ADCY5: variants seen among roughly 807,000 people sequenced by gnomAD.
ADCY5 encodes adenylate cyclase 5, also known as adenylate cyclase type 5.
Under a neutral mutation model 119.7 loss-of-function variants are expected in ADCY5, and 30 were observed. That is an observed-to-expected ratio of 0.25 (90% confidence interval 0.19 to 0.34). The LOEUF (loss-of-function observed/expected upper bound fraction) is 0.34. Among genes scored for constraint, ADCY5 ranks in the 10% least tolerant of loss-of-function variants. The pLI is 1.00. For synonymous variants in ADCY5, 753 were observed against 762.2 expected (o/e 0.99, Z 0.20); for missense variants, 1,324 against 1,775.2 (o/e 0.75, Z 4.57).
chr3:123,400,203 C>T (rs1189312767), intron 1 of ADCY5, among the ~76,000 whole-genome samples: 2 of 152,210 alleles, frequency 1.3e-5, no homozygotes, highest in Non-Finnish European at 2.9e-5. Flanking sequence ...ATCACCTCTG[C>T]TCCCAAGTAA....
At chr3:123,319,643 A>G in intron 10 of ADCY5, 31 bp downstream of exon 10, 1 of 1,610,158 alleles carries the variant, frequency 6.2e-7, no homozygotes, top group Non-Finnish European at 8.5e-7. Flanking sequence ...GGTTCAGCAC[A>G]GGGGCCTCCT....
chr3:123,396,348 A>C (rs1207229300), intron 1 of ADCY5, among the ~76,000 whole-genome samples: 1 of 140,488 alleles, frequency 7.1e-6, no homozygotes, highest in Admixed American at 7.1e-5. Flanking sequence ...GAGAAGAAAA[A>C]GAGAGAGAAG....
intron 14 of ADCY5, 40 bp from the exon 15 acceptor site, chr3:123,300,335 G>C: frequency 2.5e-6 from 4 of 1,599,928 alleles, no homozygotes; most frequent in Non-Finnish European, 3.4e-6. Flanking sequence ...CCCAGGCCCT[G>C]CCCGACCCCG....
chr3:123,446,222 G>GACACAGGA (rs2107657119), intron 1 of ADCY5, among the ~76,000 whole-genome samples: 2 of 152,286 alleles, frequency 1.3e-5, no homozygotes, highest in African/African-American at 4.8e-5. Flanking sequence ...GAAGCCAGGG[G>GACACAGGA]ACACAGGAGA....
At chr3:123,295,968 A>G in intron 17 of ADCY5, 116 bp downstream of exon 17, 1 of 1,453,848 alleles carries the variant, frequency 6.9e-7, no homozygotes, top group Non-Finnish European at 9.3e-7. Context: ...TGAGCAAGAC[A>G]GCTTGACAGT....
At chr3:123,338,767 G>GC (rs1203479957) in intron 3 of ADCY5, among the ~76,000 whole-genome samples, 2 of 152,222 alleles carry the variant, frequency 1.3e-5, no homozygotes, top group Non-Finnish European at 2.9e-5. Flanking sequence ...AGGCCCTTCA[G>GC]CCCTCCACAG....
chr3:123,341,377 A>C (rs1942271684), intron 3 of ADCY5, among the ~76,000 whole-genome samples: 2 of 152,202 alleles, frequency 1.3e-5, no homozygotes, highest in African/African-American at 4.8e-5. Context: ...AGCCAGTCAC[A>C]AAAAGCACAA....
intron 6 of ADCY5, 109 bp downstream of exon 6, chr3:123,328,535 T>A (rs1180598157): frequency 1.5e-6 from 2 of 1,359,046 alleles, no homozygotes; most frequent in African/African-American, 2.9e-5. Flanking sequence ...TTGCTGCCCA[T>A]CCTGCCCACC....
At chr3:123,289,520 T>G (rs1223507143) in intron 19 of ADCY5, among the ~76,000 whole-genome samples, 2 of 152,238 alleles carry the variant, frequency 1.3e-5, no homozygotes, top group Non-Finnish European at 2.9e-5. Flanking sequence ...GTGGCCCTCA[T>G]GTCAAAAGGC....
rs1394206206 is a variant in ADCY5, at chr3:123,327,615, G to A, written c.1947+3C>T. 6.2e-7 allele frequency: 1 copy of A among 1,612,892 alleles called. No homozygotes were observed. The highest frequency in any genetic ancestry group is 1.3e-5 in the African/African-American group (1 of 74,878). The stretch of plus-strand genomic sequence containing the variant: ...TCAGCCCCCCGGCCCCCAGCCCACA[G>A]ACCCGCTTCTGGGTGCAGCGCAGGA... On this transcript the variant is annotated splice_donor_region_variant and intron_variant, in intron 7 of 20. Coordinates refer to ENST00000462833, the MANE Select transcript of ADCY5 (RefSeq NM_183357.3).
intron 3 of ADCY5, among the ~76,000 whole-genome samples, chr3:123,345,133 C>T (rs1230986363): frequency 3.9e-5 from 6 of 152,322 alleles, no homozygotes; most frequent in South Asian, 2.1e-4. Context: ...ACCCCAAGGG[C>T]AGTCACCGTA....
intron 1 of ADCY5, among the ~76,000 whole-genome samples, chr3:123,399,086 G>C (rs1325683746): frequency 1.3e-5 from 2 of 152,192 alleles, no homozygotes; most frequent in African/African-American, 2.4e-5. Flanking sequence ...CTTCTCTAAG[G>C]GTTCCAAGGC....
intron 12 of ADCY5, among the ~76,000 whole-genome samples, chr3:123,306,839 AT>A (rs1940224132): frequency 6.6e-6 from 1 of 152,252 alleles, no homozygotes; most frequent in African/African-American, 2.4e-5. Flanking sequence ...AGTGGAAACA[AT>A]TTAATTGTCC....
At chr3:123,367,149 A>C (rs1310609415) in intron 1 of ADCY5, among the ~76,000 whole-genome samples, 2 of 152,224 alleles carry the variant, frequency 1.3e-5, no homozygotes, top group African/African-American at 4.8e-5. Context: ...ATCCCAGAGG[A>C]AGCCGGAGTC....
At chr3:123,312,663 G>C (rs1368895339) in intron 12 of ADCY5, among the ~76,000 whole-genome samples, 3 of 152,178 alleles carry the variant, frequency 2.0e-5, no homozygotes, top group Admixed American at 6.5e-5. Context: ...GTGACCTTTT[G>C]TGTCTGGCTT....
At chr3:123,314,377 C>A in intron 11 of ADCY5, 55 bp from the exon 12 acceptor site, 1 of 1,418,168 alleles carries the variant, frequency 7.1e-7, no homozygotes, top group Admixed American at 1.9e-5. Context: ...AGGGCTGCAG[C>A]TTCTGGGGGA....
intron 1 of ADCY5, among the ~76,000 whole-genome samples, chr3:123,354,026 A>G (rs561371011): frequency 2.0e-5 from 3 of 152,082 alleles, no homozygotes; most frequent in Non-Finnish European, 4.4e-5. Flanking sequence ...TCAGATTTCT[A>G]GCTCCACTGA....
At chr3:123,344,891 C>T (rs756658368) in intron 3 of ADCY5, among the ~76,000 whole-genome samples, 8 of 152,176 alleles carry the variant, frequency 5.3e-5, no homozygotes, top group Non-Finnish European at 1.2e-4. Flanking sequence ...CACCTCTGTC[C>T]CTGGCGATGT....
intron 1 of ADCY5, among the ~76,000 whole-genome samples, chr3:123,429,672 G>A (rs1460756452): frequency 6.6e-6 from 1 of 152,192 alleles, no homozygotes; most frequent in Non-Finnish European, 1.5e-5. Context: ...ACCACCTGAT[G>A]GCCCATCCTC....
Sources: gnomAD v4.1 joint callset for allele counts (sites outside exome capture counted in the v4.1 genomes callset) on GRCh38, gnomAD v4.1.1 for gene constraint, MANE v1.5 for transcripts, NCBI Gene and HGNC (gene_info 2026-07-23, HGNC 2026-07-21) for gene names.